HUWE1: variants seen among roughly 807,000 people sequenced by gnomAD.
The protein encoded by HUWE1 is HECT, UBA and WWE domain containing E3 ubiquitin protein ligase 1.
Under a neutral mutation model 299.4 loss-of-function variants are expected in HUWE1, and 18 were observed. That is an observed-to-expected ratio of 0.06 (90% confidence interval 0.04 to 0.09). The LOEUF (loss-of-function observed/expected upper bound fraction) is 0.09, where lower values mean the gene tolerates loss of function less well. Ranked by LOEUF, HUWE1 falls within the 10% of genes least tolerant of loss-of-function variation. The pLI is 1.00. For synonymous variants in HUWE1, 1,317 were observed against 1,286.1 expected, an observed-to-expected ratio of 1.02 and a Z score of -0.51; for missense variants, 1,832 against 3,462.3, an observed-to-expected ratio of 0.53 and a Z score of 11.82.
chrX:53,540,255 C>A (rs141315118), intron 74 of HUWE1, among the ~76,000 whole-genome samples: 6 of 111,570 alleles, frequency 5.4e-5, no homozygotes, highest in African/African-American at 1.6e-4. Context: ...AGTAGGCTGT[C>A]TTTTCCTCAT....
chrX:53,623,881 A>G (rs905309767), intron 19 of HUWE1, among the ~76,000 whole-genome samples: 2 of 112,173 alleles, frequency 1.8e-5, no homozygotes, highest in Admixed American at 9.4e-5. Flanking sequence ...TGTAAAACAC[A>G]ATGCTTGCTA....
chrX:53,611,378 AAAG>A (rs1557002078), intron 23 of HUWE1, among the ~76,000 whole-genome samples: 2 of 111,183 alleles, frequency 1.8e-5, no homozygotes, highest in Admixed American at 1.9e-4. Flanking sequence ...CACATCAAAC[AAAG>A]AAGCTAGATA....
chrX:53,591,316 T>C (rs993477091), intron 33 of HUWE1, among the ~76,000 whole-genome samples, 194 bp from the exon 34 acceptor site: 5 of 111,815 alleles, frequency 4.5e-5, no homozygotes, highest in African/African-American at 6.5e-5. Context: ...AAGCTACACA[T>C]TGGGTAAGGA....
At position 53,545,065 on chromosome X, in the gene HUWE1, G is replaced by A; in HGVS notation, c.11012C>T (p.Pro3671Leu). 1 of 1,210,421 alleles carries A rather than the reference G, an allele frequency of 8.3e-7. No individual in the cohort carries two copies. The highest frequency in any genetic ancestry group is 1.8e-5 in the South Asian group (1 of 56,765). ...TTTGCCCTTCAGCTTGGTGGTCTGT[G>A]GCTGCTCCTCAGGCAGGCCATCAGG... ...LSPDGLPEEQ[P>L]QTTKLKGKMQ... The change falls in exon 71 of 84, where the codon CCA becomes CTA. Residue 3671 changes from proline (P) to leucine (L), a missense_variant. Pro to Leu is a moderately conservative substitution (Grantham distance 98). Coordinates refer to ENST00000262854, the MANE Select transcript of HUWE1 (RefSeq NM_031407.7).
chrX:53,634,778 G>A (rs1431920292), intron 7 of HUWE1, among the ~76,000 whole-genome samples: 3 of 112,268 alleles, frequency 2.7e-5, no homozygotes, highest in Admixed American at 9.4e-5. Flanking sequence ...TTTTTGACAT[G>A]AGCTGAGTTA....
chrX:53,622,378 C>T (rs1185532675), intron 19 of HUWE1, among the ~76,000 whole-genome samples: 1 of 111,885 alleles, frequency 8.9e-6, no homozygotes, highest in Non-Finnish European at 1.9e-5. Flanking sequence ...GACCTATGTA[C>T]TATGGACATT....
At position 53,545,328 on chromosome X, in the gene HUWE1, A is replaced by G. The variant is rs188256343; in HGVS notation, c.10916-167T>C. Among the ~76,000 whole-genome samples, 172 of 111,725 alleles carry G rather than the reference A, an allele frequency of 1.5e-3. 2 individuals are homozygous for G. Among genetic ancestry groups the G allele is most frequent in the African/African-American group, 5.2e-3 (161 of 30,745 alleles). ...GTTCAGCTTATTATGCGTGTCCACG[A>G]ACCGTCACCTGGGACTACCAATTTA... On this transcript the variant is annotated intron_variant, in intron 70 of 83. Coordinates refer to ENST00000262854, the MANE Select transcript of HUWE1 (RefSeq NM_031407.7).
Position 53,602,650 on chromosome X carries a change from G to A in HUWE1, c.2885C>T (p.Ser962Phe), listed in dbSNP as rs2064926069. The A allele has an allele frequency of 8.8e-7, 1 of 1,132,763 alleles. No individual in the cohort carries two copies. Among genetic ancestry groups the A allele is most frequent in the East Asian group, 3.0e-5 (1 of 33,501 alleles). The allele number at this position is 1,132,763 out of a possible 1,213,427, so 93.4% of individuals were successfully genotyped here. The change falls in exon 28 of 84, where the codon TCT becomes TTT. Residue 962 changes from serine (S) to phenylalanine (F), a missense_variant. By Grantham distance (155) the Ser-to-Phe change is radical. This residue lies in a region of HUWE1 where 658 missense variants were observed against 1,282.6 expected (regional missense o/e 0.51). Transcript: ENST00000262854. The stretch of plus-strand genomic sequence containing the variant: ...ATCTGCCTGGCCAAATTCACACCCA[G>A]ATGGTAGGCTGCAAAAAGAGAAATG... ...LSLCTPNSLPSGCEFGQADMQ... is the reference protein window; with the variant it reads ...LSLCTPNSLPFGCEFGQADMQ...
chrX:53,634,181 C>G, intron 8 of HUWE1, 55 bp downstream of exon 8: 1 of 933,012 alleles, frequency 1.1e-6, no homozygotes, highest in Non-Finnish European at 1.6e-6. Flanking sequence ...AAGTAAGGTT[C>G]ACAGAGAGGC....
rs782472416 is a variant in HUWE1 at position 53,627,399 on chromosome X, CTG to C, written c.1489+9_1489+10del. On this transcript the variant is annotated intron_variant, in intron 17 of 83. Coordinates refer to ENST00000262854, the MANE Select transcript of HUWE1 (RefSeq NM_031407.7). ...AAGCACAAAAATACTGACTTAATAA[CTG>C]TTAATTACCATCCATATCAGTTTCC... 35 of 1,005,146 alleles carry C rather than the reference CTG, an allele frequency of 3.5e-5. No individual in the cohort carries two copies. The highest frequency in any genetic ancestry group is 4.9e-5 in the Non-Finnish European group (35 of 711,206). 82.8% of individuals were successfully genotyped at this position (1,005,146 alleles called of 1,213,427 possible).
chrX:53,604,654 G>A lies in HUWE1; in HGVS notation c.2677C>T (p.Leu893=), dbSNP rs782037106. 17 of 1,209,704 alleles carry A rather than the reference G, an allele frequency of 1.4e-5. No individual in the cohort carries two copies. The South Asian group carries it at 2.8e-4, about 20-fold the overall frequency. The change falls in exon 26 of 84, where the codon CTG becomes TTG. Residue 893 remains leucine, a synonymous_variant. Coordinates refer to ENST00000262854, the MANE Select transcript of HUWE1 (RefSeq NM_031407.7). ...ATLSAQATPL[L]HALTAAHAYI... is the part of the protein sequence containing the mutation. ...GCATGGGCAGCAGTGAGTGCATGCA[G>A]CAGAGGTGTGGCCTGGGCTGAGAGG...
intron 3 of HUWE1, among the ~76,000 whole-genome samples, chrX:53,664,005 A>G (rs1269272534): frequency 9.0e-6 from 1 of 111,348 alleles, no homozygotes; most frequent in Non-Finnish European, 1.9e-5. Context: ...TAATCCTTCC[A>G]AATTTCCTAT....
intron 5 of HUWE1, among the ~76,000 whole-genome samples, 173 bp from the exon 6 acceptor site, chrX:53,647,747 T>C (rs1473207283): frequency 9.0e-6 from 1 of 111,539 alleles, no homozygotes; most frequent in Non-Finnish European, 1.9e-5. Flanking sequence ...CTGTAGTTCA[T>C]TGTCATACCC....
intron 19 of HUWE1, among the ~76,000 whole-genome samples, chrX:53,620,830 G>A (rs782128730): frequency 1.2e-3 from 138 of 111,243 alleles, no homozygotes; most frequent in Non-Finnish European, 2.2e-3. Flanking sequence ...CGGTGGACAG[G>A]AGCCTAGGTT....
Position 53,559,475 on chromosome X carries a change from T to C in HUWE1, c.7794A>G (p.Leu2598=), listed in dbSNP as rs1556938821. The C allele has an allele frequency of 8.3e-7, 1 of 1,210,859 alleles. No homozygotes were observed. Among genetic ancestry groups the C allele is most frequent in the Non-Finnish European group, 1.1e-6 (1 of 895,039 alleles). Reference sequence around the variant, plus strand: ...GGAGGCGGGCCCGACCCCGGCTTTGTAGGGGAAGGCTGCTGCTCAGCTGAA... The same window carrying C: ...GGAGGCGGGCCCGACCCCGGCTTTGCAGGGGAAGGCTGCTGCTCAGCTGAA... The part of the protein sequence containing the change: ...DILQLSSSLP[L]QSRGRARLLV... Residue 2598 remains leucine, a synonymous_variant, in exon 57 of 84, where the codon CTA becomes CTG. Transcript: ENST00000262854.
intron 7 of HUWE1, among the ~76,000 whole-genome samples, chrX:53,639,003 G>A (rs996508021): frequency 9.8e-5 from 11 of 112,023 alleles, no homozygotes; most frequent in African/African-American, 3.6e-4. Context: ...ACCAAAACAC[G>A]ATATTCAATC....
At chrX:53,625,103 C>T in intron 18 of HUWE1, 54 bp downstream of exon 18, 1 of 782,248 alleles carries the variant, frequency 1.3e-6, no homozygotes, top group Non-Finnish European at 2.0e-6. Flanking sequence ...TGAAAAGAAC[C>T]AATCTTTGAG....
intron 49 of HUWE1, among the ~76,000 whole-genome samples, chrX:53,566,137 A>ATATATATATG (rs2062547704): frequency 2.1e-5 from 1 of 46,971 alleles, no homozygotes; most frequent in Non-Finnish European, 4.3e-5. Context: ...GTGTGTGTAT[A>ATATATATATG]TATATATATA....
intron 7 of HUWE1, among the ~76,000 whole-genome samples, chrX:53,635,230 T>G (rs1490512549): frequency 9.1e-6 from 1 of 109,563 alleles, no homozygotes; most frequent in African/African-American, 3.3e-5. Context: ...ATTTTGTATA[T>G]TTTTAAAAAA....
Sources: allele counts gnomAD v4.1 joint callset (sites outside exome capture counted in the v4.1 genomes callset), GRCh38; gene constraint gnomAD v4.1.1; regional missense constraint gnomAD v4.1.1; transcripts MANE v1.5; gene names NCBI Gene and HGNC (gene_info 2026-07-23, HGNC 2026-07-21).